The following BICC1 variants were observed in gnomAD, a reference collection of about 807,000 sequenced individuals.
BICC1 encodes the protein BicC family RNA binding protein 1, also known as protein bicaudal C homolog 1.
In BICC1, 43 loss-of-function variants were observed where a neutral mutation model predicts 111.0. That is an observed-to-expected ratio of 0.39 (90% CI 0.30 to 0.50). The LOEUF (loss-of-function observed/expected upper bound fraction) is 0.50. BICC1 is among the 20% of genes least tolerant of loss of function. BICC1 has a pLI of 0.88. For synonymous variants in BICC1, 467 were observed against 434.4 expected (o/e 1.07, Z -0.93); for missense variants, 1,091 against 1,203.2 (o/e 0.91, Z 1.38).
chr10:58,703,056 C>T (rs764226667), intron 3 of BICC1, among the ~76,000 whole-genome samples: 6 of 151,654 alleles, frequency 4.0e-5, no homozygotes, highest in Admixed American at 1.3e-4. Context: ...AATTGCATTT[C>T]GTTAGAGTTA....
At chr10:58,819,437 T>G (rs1844190501) in intron 19 of BICC1, among the ~76,000 whole-genome samples, 1 of 152,168 alleles carries the variant, frequency 6.6e-6, no homozygotes, top group African/African-American at 2.4e-5. Flanking sequence ...CATCTGCTTT[T>G]TTCAGTGTAG....
At chr10:58,677,113 T>C (rs1839369766) in intron 2 of BICC1, among the ~76,000 whole-genome samples, 2 of 152,248 alleles carry the variant, frequency 1.3e-5, no homozygotes, top group Admixed American at 1.3e-4. Flanking sequence ...GCAAAAAGGC[T>C]GAAAATTCCA....
chr10:58,731,125 C>G (rs1238682607), intron 3 of BICC1, among the ~76,000 whole-genome samples: 1 of 152,136 alleles, frequency 6.6e-6, no homozygotes, highest in Non-Finnish European at 1.5e-5. Flanking sequence ...TGCTTAGAAA[C>G]TTTTTTTACC....
chr10:58,683,522 G>A (rs1051654662), intron 2 of BICC1, among the ~76,000 whole-genome samples: 30 of 152,300 alleles, frequency 2.0e-4, no homozygotes, highest in Non-Finnish European at 3.7e-4. Flanking sequence ...AGCATGGAAT[G>A]TTCTTCCATT....
chr10:58,512,828 G>A (rs1842124675), upstream of BICC1, among the ~76,000 whole-genome samples: 1 of 149,682 alleles, frequency 6.7e-6, no homozygotes, highest in East Asian at 1.9e-4. Flanking sequence ...CGGGGAGGGG[G>A]CGCCGAGCCC....
intron 4 of BICC1, 134 bp downstream of exon 4, chr10:58,785,214 G>T: frequency 2.0e-6 from 1 of 505,240 alleles, no homozygotes; most frequent in Non-Finnish European, 3.5e-6. Flanking sequence ...AAGCACATGT[G>T]ATTCTACAGT....
intron 1 of BICC1, among the ~76,000 whole-genome samples, chr10:58,542,238 T>C (rs986248905): frequency 6.6e-6 from 1 of 150,626 alleles, no homozygotes. Flanking sequence ...CTCGCCTATA[T>C]AGTCAAATGA....
Position 58,799,271 on chromosome 10 carries a change from A to T in BICC1, c.1725+19A>T. Reference sequence around the variant, plus strand: ...TGCACAGGTAATGGCCTTCTGCCAGAATGTGTGTGTGATCTGTACTGTTTG... The same window carrying T: ...TGCACAGGTAATGGCCTTCTGCCAGTATGTGTGTGTGATCTGTACTGTTTG... On this transcript the variant is annotated intron_variant, in intron 12 of 20. Transcript: ENST00000373886. The T allele has an allele frequency of 6.4e-7, 1 of 1,562,558 alleles. No individual in the cohort carries two copies. The highest frequency in any genetic ancestry group is 2.3e-5 in the East Asian group (1 of 42,650).
chr10:58,690,299 T>TA lies in BICC1; in HGVS notation c.238-11774dup, dbSNP rs572985086. On this transcript the variant is annotated intron_variant, in intron 2 of 20. Coordinates refer to ENST00000373886, the MANE Select transcript of BICC1 (RefSeq NM_001080512.3). ...GATGGACAATGGGCTGTGAAAGAGA[T>TA]ACATTTTTCTTACAGGCCATGGCAG... 3.4e-3 allele frequency among the ~76,000 whole-genome samples: 297 copies of TA among 86,588 alleles called. 3 individuals are homozygous for TA. The highest frequency in any genetic ancestry group is 1.0e-3 in the Non-Finnish European group (46 of 45,788). The allele number at this position is 86,588 out of a possible 152,430, so 56.8% of individuals were successfully genotyped here. A position where few individuals can be genotyped will look rare whatever the true frequency, so the allele number is the denominator to read the frequency against.
At chr10:58,673,542 A>G (rs538123086) in intron 2 of BICC1, among the ~76,000 whole-genome samples, 10 of 152,328 alleles carry the variant, frequency 6.6e-5, no homozygotes, top group African/African-American at 2.2e-4. Context: ...TAGTTATAAA[A>G]TGCCGTGGAG....
In BICC1 at chr10:58,830,867, A is replaced by C. The variant is rs564697018; in HGVS notation, c.*1976A>C. 6.6e-6 allele frequency: 1 copy of C among 152,332 alleles called. No homozygotes were observed. Among genetic ancestry groups the C allele is most frequent in the African/African-American group, 2.4e-5 (1 of 41,584 alleles). The allele number at this position is 152,332 out of a possible 1,614,324, so 9.4% of individuals were successfully genotyped here. A position where few individuals can be genotyped will look rare whatever the true frequency, so the allele number is the denominator to read the frequency against. On this transcript the variant is annotated 3_prime_UTR_variant, in exon 21 of 21. Coordinates refer to ENST00000373886, the MANE Select transcript of BICC1 (RefSeq NM_001080512.3). ...CATGCTAAACATGTAGTACAGGTTAACAATACCAGATTTATGTCCTGTTCA... is the reference window on the plus strand; with the variant it reads ...CATGCTAAACATGTAGTACAGGTTACCAATACCAGATTTATGTCCTGTTCA...
chr10:58,696,311 G>T (rs1840063256), intron 2 of BICC1, among the ~76,000 whole-genome samples: 1 of 149,772 alleles, frequency 6.7e-6, no homozygotes, highest in South Asian at 2.1e-4. Flanking sequence ...TTTTCATGAT[G>T]AAAAAAAAAC....
chr10:58,759,817 G>C (rs1842255366), intron 3 of BICC1, among the ~76,000 whole-genome samples: 1 of 151,976 alleles, frequency 6.6e-6, no homozygotes, highest in South Asian at 2.1e-4. Flanking sequence ...AAATTAGCCG[G>C]GCTTGGTGGT....
chr10:58,540,511 A>G (rs1387628051), intron 1 of BICC1, among the ~76,000 whole-genome samples: 1 of 152,042 alleles, frequency 6.6e-6, no homozygotes, highest in Non-Finnish European at 1.5e-5. Context: ...AAATTATATA[A>G]CCTTGAAGAA....
chr10:58,739,294 G>T (rs1233705872), intron 3 of BICC1, among the ~76,000 whole-genome samples: 1 of 152,132 alleles, frequency 6.6e-6, no homozygotes, highest in East Asian at 1.9e-4. Flanking sequence ...ATCATGAAGG[G>T]CTGTTGTATT....
chr10:58,810,300 C>T (rs778702263), intron 17 of BICC1, among the ~76,000 whole-genome samples: 3 of 152,182 alleles, frequency 2.0e-5, no homozygotes, highest in Non-Finnish European at 4.4e-5. Context: ...TTGGGCTAGC[C>T]TGCCCCATCA....
At chr10:58,586,036 CTTA>C (rs1384077332) in intron 1 of BICC1, among the ~76,000 whole-genome samples, 1 of 152,162 alleles carries the variant, frequency 6.6e-6, no homozygotes, top group African/African-American at 2.4e-5. Flanking sequence ...ACACTCTCAC[CTTA>C]TTATTTACAA....
At chr10:58,721,363 C>T (rs181992649) in intron 3 of BICC1, among the ~76,000 whole-genome samples, 1 of 152,246 alleles carries the variant, frequency 6.6e-6, no homozygotes, top group African/African-American at 2.4e-5. Context: ...TTTGGGGGAA[C>T]CCAAACTAAG....
At chr10:58,637,615 C>G (rs1837989723) in intron 2 of BICC1, among the ~76,000 whole-genome samples, 1 of 152,200 alleles carries the variant, frequency 6.6e-6, no homozygotes, top group African/African-American at 2.4e-5. Context: ...AAAGTCCTTC[C>G]AGGGCTACTC....
Sources: gnomAD v4.1 joint callset for allele counts (sites outside exome capture counted in the v4.1 genomes callset) on GRCh38, gnomAD v4.1.1 for gene constraint, MANE v1.5 for transcripts, NCBI Gene and HGNC (gene_info 2026-07-23, HGNC 2026-07-21) for gene names.